Variants in RANBP2 observed in about 807,000 individuals in gnomAD.
RANBP2 encodes the protein E3 SUMO-protein ligase RanBP2.
RANBP2 carries 57 observed loss-of-function variants against 303.6 expected under a neutral mutation model. That is an observed-to-expected ratio of 0.19 (90% confidence interval 0.15 to 0.23). The LOEUF (loss-of-function observed/expected upper bound fraction) is 0.23. Among genes scored for constraint, RANBP2 ranks in the 10% least tolerant of loss-of-function variants. The pLI is 1.00. For missense variants in RANBP2, 3,138 were observed against 3,780.8 expected (o/e 0.83, Z 4.46); for synonymous variants, 1,167 against 1,301.5 (o/e 0.90, Z 2.23).
the RANBP2 span, among the ~76,000 whole-genome samples, chr2:108,814,412 G>A: frequency 5.3e-5 from 8 of 151,990 alleles, no homozygotes; most frequent in African/African-American, 1.4e-4. Flanking sequence ...AATTGAAAAG[G>A]TACAGACTTT....
At chr2:109,367,935 C>T in the RANBP2 span, among the ~76,000 whole-genome samples, 1 of 152,222 alleles carries the variant, frequency 6.6e-6, no homozygotes, top group Non-Finnish European at 1.5e-5. Flanking sequence ...AGTGCCTGTT[C>T]CATGCATACT....
chr2:109,493,624 C>G, the RANBP2 span, among the ~76,000 whole-genome samples: 613 of 150,858 alleles, frequency 4.1e-3, 3 homozygotes, highest in Non-Finnish European at 6.9e-3. Flanking sequence ...AAACNCACAC[C>G]CCACACATGC....
the RANBP2 span, among the ~76,000 whole-genome samples, chr2:109,122,553 G>A: frequency 6.6e-6 from 1 of 152,136 alleles, no homozygotes; most frequent in African/African-American, 2.4e-5. Flanking sequence ...GTATGGGTTT[G>A]GTCTTACTAA....
intron 24 of RANBP2, among the ~76,000 whole-genome samples, chr2:108,776,764 T>G (rs111559054): frequency 1.0e-3 from 154 of 152,330 alleles, no homozygotes; most frequent in African/African-American, 3.5e-3. Flanking sequence ...CAAAAAGTTT[T>G]TATACAGATG....
the RANBP2 span, among the ~76,000 whole-genome samples, chr2:109,717,637 G>T: frequency 5.0e-4 from 75 of 151,192 alleles, no homozygotes; most frequent in African/African-American, 1.8e-3. Flanking sequence ...TCCTAGGCCA[G>T]GCACAGTGGC....
chr2:109,721,493 T>G, the RANBP2 span, among the ~76,000 whole-genome samples: 1 of 152,154 alleles, frequency 6.6e-6, no homozygotes, highest in African/African-American at 2.4e-5. Context: ...AGAATTGCTG[T>G]GCTGGAATTC....
the RANBP2 span, among the ~76,000 whole-genome samples, chr2:109,121,300 G>A: frequency 8.6e-4 from 129 of 150,192 alleles, 1 homozygote; most frequent in African/African-American, 3.1e-3. Context: ...AAAACAAGAA[G>A]TGAAGTTCTA....
At chr2:109,568,240 G>A in the RANBP2 span, among the ~76,000 whole-genome samples, 2 of 152,062 alleles carry the variant, frequency 1.3e-5, no homozygotes, top group Non-Finnish European at 2.9e-5. Flanking sequence ...ATAAACCACA[G>A]GGCCTGTGAC....
the RANBP2 span, among the ~76,000 whole-genome samples, chr2:109,373,510 T>A: frequency 5.8e-3 from 879 of 152,308 alleles, 1 homozygote; most frequent in Non-Finnish European, 9.0e-3. Context: ...TTTAAGGGCA[T>A]AGGCAAATCT....
the RANBP2 span, among the ~76,000 whole-genome samples, chr2:109,668,411 A>G: frequency 6.6e-6 from 1 of 152,250 alleles, no homozygotes; most frequent in African/African-American, 2.4e-5. Context: ...ACCTCAAAGC[A>G]TATATACTTG....
the RANBP2 span, chr2:108,873,689 G>A: frequency 1.3e-6 from 1 of 760,670 alleles, no homozygotes; most frequent in Non-Finnish European, 2.1e-6. Context: ...GGCCACACTG[G>A]ATGAAGAAGA....
the RANBP2 span, among the ~76,000 whole-genome samples, chr2:109,046,295 C>G: frequency 7.0e-6 from 1 of 142,842 alleles, no homozygotes; most frequent in Non-Finnish European, 1.5e-5. Flanking sequence ...CAGTGCAAGA[C>G]TCTGTCTAAA....
chr2:109,111,364 T>C, the RANBP2 span, among the ~76,000 whole-genome samples: 3 of 152,326 alleles, frequency 2.0e-5, no homozygotes, highest in African/African-American at 7.2e-5. Context: ...TATACACCCA[T>C]TGCACTACTG....
the RANBP2 span, among the ~76,000 whole-genome samples, chr2:109,034,298 G>T: frequency 0.76 from 95,752 of 125,314 alleles, 37,171 homozygotes; most frequent in East Asian, 0.85. Context: ...AAAAAAAAAG[G>T]AAGGTTCAAA....
At chr2:109,495,831 A>G in the RANBP2 span, among the ~76,000 whole-genome samples, 1 of 152,170 alleles carries the variant, frequency 6.6e-6, no homozygotes, top group African/African-American at 2.4e-5. Flanking sequence ...CACATACATA[A>G]AATGGGGATA....
the RANBP2 span, among the ~76,000 whole-genome samples, chr2:109,071,596 C>A: frequency 6.6e-6 from 1 of 151,990 alleles, no homozygotes; most frequent in African/African-American, 2.4e-5. Flanking sequence ...ATCACTTGAA[C>A]CTGGGAGGTA....
the RANBP2 span, among the ~76,000 whole-genome samples, chr2:108,910,243 G>T: frequency 6.6e-6 from 1 of 152,220 alleles, no homozygotes; most frequent in Non-Finnish European, 1.5e-5. Context: ...AGGGACAGGG[G>T]CCTGACCCGA....
the RANBP2 span, among the ~76,000 whole-genome samples, chr2:109,209,989 C>G: frequency 6.6e-6 from 1 of 152,242 alleles, no homozygotes; most frequent in African/African-American, 2.4e-5. Context: ...CTCAGCCCCC[C>G]CAGTAACCTC....
At chr2:109,208,373 CG>C in the RANBP2 span, among the ~76,000 whole-genome samples, 7 of 152,240 alleles carry the variant, frequency 4.6e-5, no homozygotes, top group Non-Finnish European at 1.0e-4. Context: ...TTCCCATGCT[CG>C]GTCTTCAGGG....
Sources: allele counts gnomAD v4.1 joint callset (sites outside exome capture counted in the v4.1 genomes callset), GRCh38; gene constraint gnomAD v4.1.1; transcripts MANE v1.5; gene names NCBI Gene and HGNC (gene_info 2026-07-23, HGNC 2026-07-21).